Variants in SFXN4 observed in about 807,000 individuals in gnomAD.
The protein encoded by SFXN4 is sideroflexin 4.
SFXN4 carries 48 observed loss-of-function variants against 54.6 expected under a neutral mutation model. The ratio of observed to expected loss-of-function variants is 0.88; its 90% CI spans 0.70 to 1.12. The LOEUF is 1.12. Ranked by LOEUF, SFXN4 falls within the 50% of genes most tolerant of loss-of-function variation. The pLI is 0.00. For synonymous variants in SFXN4, 130 were observed against 145.5 expected, an observed-to-expected ratio of 0.89 and a Z score of 0.77; for missense variants, 383 against 409.2, an observed-to-expected ratio of 0.94 and a Z score of 0.55.
In SFXN4 at chr10:119,146,227, G is replaced by C. The variant is rs1245731988; in HGVS notation, c.936+9C>G. ...AACTTTGAGAGAAAAGAGGAATGGG[G>C]GCACTTACCTGTCCAATCTGTGGAA... On this transcript the variant is annotated intron_variant, in intron 13 of 13. Coordinates refer to ENST00000355697, the MANE Select transcript of SFXN4 (RefSeq NM_213649.2). 1 of 1,443,768 alleles carries C rather than the reference G, an allele frequency of 6.9e-7. No individual in the cohort carries two copies. The highest frequency in any genetic ancestry group is 1.4e-5 in the African/African-American group (1 of 71,102). 89.4% of individuals were successfully genotyped at this position (1,443,768 alleles called of 1,614,324 possible). A position where few individuals can be genotyped will look rare whatever the true frequency, so the allele number is the denominator to read the frequency against.
At chr10:119,143,091 A>G (rs1846623050) in intron 13 of SFXN4, among the ~76,000 whole-genome samples, 1 of 151,642 alleles carries the variant, frequency 6.6e-6, no homozygotes, top group East Asian at 1.9e-4. Context: ...CACGCGTGAG[A>G]CTGACTCCCT....
chr10:119,146,261 A>C lies in SFXN4; in HGVS notation c.911T>G (p.Phe304Cys). Reference protein sequence around the residue: ...LAMGLMVPFSFSIFPQIGQIQ... With the variant: ...LAMGLMVPFSCSIFPQIGQIQ... ...CTGTCCAATCTGTGGAAATATACTA[A>C]AAGAAAATGGCACCATCAGTCCCAT... is the stretch of plus-strand genomic sequence containing the variant. Residue 304 changes from phenylalanine (F) to cysteine (C), a missense_variant, in exon 13 of 14, where the codon TTT (phenylalanine) becomes TGT (cysteine). Transcript: ENST00000355697. The C allele has an allele frequency of 6.2e-7, 1 of 1,611,290 alleles. No individual in the cohort carries two copies.
rs147676901 is a variant in SFXN4 at position 119,156,424 on chromosome 10, G to A, written c.616+254C>T. Reference sequence around the variant, plus strand: ...AGCCTGGGTGACAGAGCAAGACTCCGTCTCAAGAAAAAAAATGTAATTTGT... The same window carrying A: ...AGCCTGGGTGACAGAGCAAGACTCCATCTCAAGAAAAAAAATGTAATTTGT... On this transcript the variant is annotated intron_variant, in intron 10 of 13. Transcript: ENST00000355697. Among the ~76,000 whole-genome samples, 653 of 152,258 alleles carry A rather than the reference G, an allele frequency of 4.3e-3. 6 individuals are homozygous for A. The highest frequency in any genetic ancestry group is 0.015 in the African/African-American group (611 of 41,562).
chr10:119,165,674 C>A lies in SFXN4; in HGVS notation c.-27G>T. 1.3e-6 allele frequency: 2 copies of A among 1,514,622 alleles called. No individual in the cohort carries two copies. Among genetic ancestry groups the A allele is most frequent in the Non-Finnish European group, 1.8e-6 (2 of 1,135,740 alleles). 93.8% of individuals were successfully genotyped at this position (1,514,622 alleles called of 1,614,324 possible). The stretch of plus-strand genomic sequence containing the variant: ...TTGCGCTGGTTAGAGTGGCCGCCGC[C>A]GCCAGGCCGCGCGTGGAGGAGGAGC... On this transcript the variant is annotated 5_prime_UTR_variant, in exon 1 of 14. Transcript: ENST00000355697.
At chr10:119,144,768 C>G (rs1317127307) in intron 13 of SFXN4, among the ~76,000 whole-genome samples, 3 of 152,146 alleles carry the variant, frequency 2.0e-5, no homozygotes, top group Non-Finnish European at 4.4e-5. Flanking sequence ...CCACTAAGCA[C>G]ACAAGAGTAC....
Position 119,145,396 on chromosome 10 carries a change from C to T in SFXN4, c.936+840G>A, listed in dbSNP as rs552823580. 1.3e-4 allele frequency among the ~76,000 whole-genome samples: 19 copies of T among 151,304 alleles called. No homozygotes were observed. The South Asian group carries it at 3.6e-3, about 28-fold the overall frequency. ...TGTCATGATCTTGGCTCATTGCAAC[C>T]TCTACCTCCCCAGGTTCAAGCGATT... On this transcript the variant is annotated intron_variant, in intron 13 of 13. Transcript: ENST00000355697.
At chr10:119,144,406 G>A (rs1481254081) in intron 13 of SFXN4, among the ~76,000 whole-genome samples, 1 of 151,986 alleles carries the variant, frequency 6.6e-6, no homozygotes, top group Non-Finnish European at 1.5e-5. Flanking sequence ...GCAGTGAGCC[G>A]AGATTGCGCC....
chr10:119,147,779 TA>T lies in SFXN4; in HGVS notation c.813del (p.Phe271LeufsTer17). The T allele has an allele frequency of 6.2e-7, 1 of 1,613,684 alleles. No individual in the cohort carries two copies. The highest frequency in any genetic ancestry group is 8.5e-7 in the Non-Finnish European group (1 of 1,179,612). On this transcript the variant is annotated frameshift_variant, in exon 12 of 14. Transcript: ENST00000355697. LOFTEE classifies it high-confidence loss of function. ...GGATATGACCGTGTCTCTTACCTTT[TA>T]AAAAAGTAGGTGAAGACTTCAGGAA... ...ALIPEVFTYF[F>X]KRTQYFRKNP...
At chr10:119,146,462 C>CGT in intron 12 of SFXN4, 109 bp from the exon 13 acceptor site, 4 of 471,042 alleles carry the variant, frequency 8.5e-6, no homozygotes, top group South Asian at 6.1e-5. Flanking sequence ...TGTGTGTGTG[C>CGT]ACGTGTGTGT....
chr10:119,150,448 AGG>A (rs1847017076), intron 11 of SFXN4, among the ~76,000 whole-genome samples: 1 of 152,110 alleles, frequency 6.6e-6, no homozygotes, highest in East Asian at 1.9e-4. Context: ...AGGCCAAGGC[AGG>A]AGGATCACTT....
Position 119,165,126 on chromosome 10 carries a change from A to G in SFXN4, c.111+411T>C, listed in dbSNP as rs183488924. The G allele has an allele frequency of 9.8e-5, 79 of 805,332 alleles. No individual in the cohort carries two copies. In the East Asian group the frequency reaches 5.9e-3, roughly 60 times the overall value. The allele number at this position is 805,332 out of a possible 1,614,324, so 49.9% of individuals were successfully genotyped here. A position where few individuals can be genotyped will look rare whatever the true frequency, so the allele number is the denominator to read the frequency against. ...GTGCTGCCCTAGACGCTGCAGGGAG[A>G]TAAGTCCTGCTTATGTCCTGCCCAA... is the stretch of plus-strand genomic sequence containing the variant. On this transcript the variant is annotated intron_variant, in intron 1 of 13. Transcript: ENST00000355697.
chr10:119,143,268 C>A (rs1218446426), intron 13 of SFXN4, among the ~76,000 whole-genome samples: 1 of 152,156 alleles, frequency 6.6e-6, no homozygotes, highest in Non-Finnish European at 1.5e-5. Context: ...CCATCCTCCA[C>A]TGGGGATGAA....
rs1022514431 is a variant in SFXN4 at position 119,149,485 on chromosome 10, C to A, written c.733-1625G>T. ...GTCTTAAGGGCCGGGCACGGTGGCT[C>A]ATGCTTATAATCCCAACACTTTGGG... On this transcript the variant is annotated intron_variant, in intron 11 of 13. Coordinates refer to ENST00000355697, the MANE Select transcript of SFXN4 (RefSeq NM_213649.2). 5.3e-5 allele frequency among the ~76,000 whole-genome samples: 8 copies of A among 152,176 alleles called. No individual in the cohort carries two copies. The South Asian group carries it at 1.2e-3, about 24-fold the overall frequency.
At chr10:119,163,723 C>G (rs928915991) in intron 2 of SFXN4, among the ~76,000 whole-genome samples, 1 of 152,048 alleles carries the variant, frequency 6.6e-6, no homozygotes, top group African/African-American at 2.4e-5. Flanking sequence ...TTTTCCTTAC[C>G]CCTTCCAATC....
rs56031432 is a variant in SFXN4 at position 119,146,428 on chromosome 10, C to CGTGTGTGTGTGTGTGTGTGTGTGTGTGT, written c.819-103_819-76dup. On this transcript the variant is annotated intron_variant, in intron 12 of 13. Coordinates refer to ENST00000355697, the MANE Select transcript of SFXN4 (RefSeq NM_213649.2). Reference sequence around the variant, plus strand: ...TATTTTCTGAACAGCTGAATCAGGGCGTGTGTGTGTGTGTGTGTGTGTGTG... The same window carrying CGTGTGTGTGTGTGTGTGTGTGTGTGTGT: ...TATTTTCTGAACAGCTGAATCAGGGCGTGTGTGTGTGTGTGTGTGTGTGTGTGTGTGTGTGTGTGTGTGTGTGTGTGTG... The CGTGTGTGTGTGTGTGTGTGTGTGTGTGT allele has an allele frequency of 7.1e-5, 40 of 559,672 alleles. 1 individual carries two copies. The East Asian group carries it at 9.3e-4, about 13-fold the overall frequency. The allele number at this position is 559,672 out of a possible 1,614,324, so 34.7% of individuals were successfully genotyped here. A position where few individuals can be genotyped will look rare whatever the true frequency, so the allele number is the denominator to read the frequency against.
intron 11 of SFXN4, among the ~76,000 whole-genome samples, chr10:119,151,769 G>C (rs1028123843): frequency 1.3e-5 from 2 of 151,862 alleles, no homozygotes; most frequent in African/African-American, 4.8e-5. Flanking sequence ...ACCTGCCTCA[G>C]ACCCCTCAGA....
intron 10 of SFXN4, among the ~76,000 whole-genome samples, chr10:119,155,645 A>G (rs1847252857): frequency 6.6e-6 from 1 of 152,014 alleles, no homozygotes; most frequent in African/African-American, 2.4e-5. Flanking sequence ...GGCATGCCCC[A>G]CCACGCCCGG....
rs200594750 is a variant in SFXN4 at position 119,160,515 on chromosome 10, C to CAA, written c.334+398_334+399dup. Among the ~76,000 whole-genome samples the CAA allele has an allele frequency of 5.5e-3, 682 of 123,726 alleles. 3 individuals carry two copies. The highest frequency in any genetic ancestry group is 0.012 in the African/African-American group (389 of 31,572). The allele number at this position is 123,726 out of a possible 152,430, so 81.2% of individuals were successfully genotyped here. Reference sequence around the variant, plus strand: ...TAGGTGACAGAGCAAGACACTGTTTCAAAAAAAAAAAAAAAGAAAGAAATC... The same window carrying CAA: ...TAGGTGACAGAGCAAGACACTGTTTCAAAAAAAAAAAAAAAAAGAAAGAAATC... On this transcript the variant is annotated intron_variant, in intron 5 of 13. Transcript: ENST00000355697.
intron 11 of SFXN4, among the ~76,000 whole-genome samples, chr10:119,150,718 A>T (rs551441782): frequency 1.3e-5 from 2 of 151,774 alleles, no homozygotes; most frequent in South Asian, 2.1e-4. Context: ...ATGTGCTCTC[A>T]CTCTCCTCTC....
Sources: gnomAD v4.1 joint callset for allele counts (sites outside exome capture counted in the v4.1 genomes callset) on GRCh38, gnomAD v4.1.1 for gene constraint, MANE v1.5 for transcripts, NCBI Gene and HGNC (gene_info 2026-07-23, HGNC 2026-07-21) for gene names.